The following MEGF10 variants were observed in gnomAD, a reference collection of about 807,000 sequenced individuals.
The protein encoded by MEGF10 is multiple EGF like domains 10.
Under a neutral mutation model 147.5 loss-of-function variants are expected in MEGF10, and 86 were observed. That is an observed-to-expected ratio of 0.58 (90% CI 0.49 to 0.70). The LOEUF (loss-of-function observed/expected upper bound fraction) is 0.70. Among genes scored for constraint, MEGF10 ranks in the 30% least tolerant of loss-of-function variants. The pLI is 0.00. For missense variants in MEGF10, 1,329 were observed against 1,487.3 expected (o/e 0.89, Z 1.75); for synonymous variants, 478 against 525.5 (o/e 0.91, Z 1.24).
At chr5:127,358,674 G>T (rs1762365166) in intron 4 of MEGF10, among the ~76,000 whole-genome samples, 1 of 152,120 alleles carries the variant, frequency 6.6e-6, no homozygotes, top group Non-Finnish European at 1.5e-5. Flanking sequence ...CCTTCCTTCT[G>T]ATTTCTTCCC....
chr5:127,423,888 A>G (rs1580853491), intron 13 of MEGF10, among the ~76,000 whole-genome samples: 1 of 152,114 alleles, frequency 6.6e-6, no homozygotes, highest in Admixed American at 6.5e-5. Context: ...GATGAAGTCT[A>G]GTTTATCTTT....
chr5:127,447,647 C>T lies in MEGF10; in HGVS notation c.2819C>T (p.Pro940Leu), dbSNP rs1765999410. 1.2e-6 allele frequency: 2 copies of T among 1,614,192 alleles called. No homozygotes were observed. The highest frequency in any genetic ancestry group is 1.3e-5 in the African/African-American group (1 of 75,050). The change falls in exon 21 of 25, where the codon CCT (proline) becomes CTT (leucine). Residue 940 changes from proline to leucine, a missense_variant. By Grantham distance (98) the Pro-to-Leu change is moderately conservative (BLOSUM62 -3). This residue lies in a region of MEGF10 where 343 missense variants were observed against 377.9 expected (regional missense o/e 0.91). Coordinates refer to ENST00000503335, the MANE Select transcript of MEGF10 (RefSeq NM_001256545.2). The stretch of plus-strand genomic sequence containing the variant: ...ACGCTCACCCAGTGTGCCACATCCC[C>T]TCACGTCAACAACAGGGACAGGATG... ...YHTLTQCATS[P>L]HVNNRDRMTV...
intron 5 of MEGF10, among the ~76,000 whole-genome samples, chr5:127,396,246 T>C (rs961335608): frequency 3.9e-5 from 6 of 152,150 alleles, no homozygotes; most frequent in Non-Finnish European, 8.8e-5. Flanking sequence ...CACATCAAAC[T>C]CCACACTCTG....
At chr5:127,395,665 C>T (rs1297436247) in intron 5 of MEGF10, among the ~76,000 whole-genome samples, 4 of 151,092 alleles carry the variant, frequency 2.6e-5, no homozygotes, top group African/African-American at 9.7e-5. Context: ...CTGCCTCAGC[C>T]TCCCGAGTAG....
chr5:127,384,113 T>C (rs1763347589), intron 5 of MEGF10, among the ~76,000 whole-genome samples: 1 of 152,190 alleles, frequency 6.6e-6, no homozygotes, highest in African/African-American at 2.4e-5. Context: ...TACATGGACA[T>C]AGGTCCTCTA....
chr5:127,455,292 T>A, intron 23 of MEGF10, 109 bp from the exon 24 acceptor site: 1 of 882,834 alleles, frequency 1.1e-6, no homozygotes, highest in East Asian at 2.4e-5. Context: ...TTATTTTCAG[T>A]GTGTAGAATT....
At chr5:127,361,255 C>G (rs1762461148) in intron 4 of MEGF10, among the ~76,000 whole-genome samples, 2 of 151,768 alleles carry the variant, frequency 1.3e-5, no homozygotes, top group South Asian at 4.1e-4. Context: ...TTATTTATTT[C>G]TACTTGAATA....
intron 1 of MEGF10, among the ~76,000 whole-genome samples, chr5:127,309,437 G>C (rs1760162303): frequency 6.6e-6 from 1 of 152,082 alleles, no homozygotes; most frequent in African/African-American, 2.4e-5. Context: ...TTAAATAGCA[G>C]CTCCCCATTT....
the MEGF10 span, among the ~76,000 whole-genome samples, chr5:127,231,707 T>C: frequency 5.3e-5 from 8 of 152,310 alleles, no homozygotes; most frequent in Admixed American, 4.6e-4. Context: ...GTTGATTGAA[T>C]AAATGACCAA....
chr5:127,331,257 T>C, intron 1 of MEGF10, 34 bp from the exon 2 acceptor site: 1 of 1,120,998 alleles, frequency 8.9e-7, no homozygotes, highest in Admixed American at 1.8e-5. Context: ...GTCATTTCAA[T>C]GCATTTCTAA....
intron 13 of MEGF10, among the ~76,000 whole-genome samples, chr5:127,423,537 C>T (rs1765102736): frequency 6.6e-6 from 1 of 152,180 alleles, no homozygotes; most frequent in African/African-American, 2.4e-5. Flanking sequence ...CATTTCCTCA[C>T]CAACACTAGT....
chr5:127,280,024 G>T, the MEGF10 span, among the ~76,000 whole-genome samples: 1 of 151,968 alleles, frequency 6.6e-6, no homozygotes, highest in Non-Finnish European at 1.5e-5. Context: ...ATGAATATGT[G>T]GGCAAAAGAG....
At chr5:127,288,358 C>T (rs1464427730), upstream of MEGF10, among the ~76,000 whole-genome samples, 1 of 151,918 alleles carries the variant, frequency 6.6e-6, no homozygotes, top group Non-Finnish European at 1.5e-5. Context: ...CTAACAAATG[C>T]CTGGTATATA....
intron 4 of MEGF10, among the ~76,000 whole-genome samples, chr5:127,352,439 A>G (rs1439008453): frequency 3.3e-5 from 5 of 152,216 alleles, no homozygotes; most frequent in African/African-American, 1.2e-4. Flanking sequence ...AGGCAGGCAG[A>G]TCACCTGAGG....
chr5:127,329,992 G>A (rs917841704), intron 1 of MEGF10, among the ~76,000 whole-genome samples: 3 of 151,968 alleles, frequency 2.0e-5, no homozygotes, highest in African/African-American at 7.3e-5. Context: ...TGATATCAGA[G>A]GAACCTTCAA....
chr5:127,303,621 A>G (rs979139971), intron 1 of MEGF10, among the ~76,000 whole-genome samples: 4 of 152,226 alleles, frequency 2.6e-5, no homozygotes, highest in Non-Finnish European at 4.4e-5. Flanking sequence ...GGACAGGGCA[A>G]TATCTAAGAT....
chr5:127,383,603 C>A (rs181290401), intron 5 of MEGF10, among the ~76,000 whole-genome samples: 74 of 152,024 alleles, frequency 4.9e-4, no homozygotes, highest in Non-Finnish European at 7.5e-4. Flanking sequence ...AAATACACCC[C>A]CCAACACACC....
Position 127,449,097 on chromosome 5 carries a change from A to C in MEGF10, c.2857-2A>C, listed in dbSNP as rs199750143. 1 of 1,614,042 alleles carries C rather than the reference A, an allele frequency of 6.2e-7. No individual in the cohort carries two copies. Among genetic ancestry groups the C allele is most frequent in the Admixed American group, 1.7e-5 (1 of 59,998 alleles). ...ATCTTTCGTTGTTTATATTTTTAAC[A>C]GTCAAAAAACAATCAACTGTTTGTG... On this transcript the variant is annotated splice_acceptor_variant, in intron 21 of 24. Transcript: ENST00000503335. LOFTEE classifies it high-confidence loss of function.
chr5:127,304,660 A>G (rs1310730333), intron 1 of MEGF10, among the ~76,000 whole-genome samples: 1 of 151,986 alleles, frequency 6.6e-6, no homozygotes, highest in Non-Finnish European at 1.5e-5. Context: ...TGCCCTGCTA[A>G]TTTTTGTATT....
Sources: gnomAD v4.1 joint callset for allele counts (sites outside exome capture counted in the v4.1 genomes callset) on GRCh38, gnomAD v4.1.1 for gene constraint, gnomAD v4.1.1 regional missense constraint, MANE v1.5 for transcripts, NCBI Gene and HGNC (gene_info 2026-07-23, HGNC 2026-07-21) for gene names.